Variants in TMC1 observed in about 807,000 individuals in gnomAD.
The protein encoded by TMC1 is transmembrane channel-like protein 1.
Under a neutral mutation model 105.8 loss-of-function variants are expected in TMC1, and 84 were observed. The ratio of observed to expected loss-of-function variants is 0.79; its 90% confidence interval spans 0.67 to 0.95. The LOEUF (loss-of-function observed/expected upper bound fraction) is 0.95. Among genes scored for constraint, TMC1 ranks in the 40% least tolerant of loss-of-function variants. The pLI is 0.00. For synonymous variants in TMC1, 315 were observed against 311.5 expected, an observed-to-expected ratio of 1.01 and a Z score of -0.12; for missense variants, 817 against 914.1, an observed-to-expected ratio of 0.89 and a Z score of 1.37.
chr9:72,674,791 C>T (rs1826175925), intron 5 of TMC1, among the ~76,000 whole-genome samples: 1 of 152,128 alleles, frequency 6.6e-6, no homozygotes, highest in South Asian at 2.1e-4. Context: ...AATTCAACAC[C>T]ACAGAATGAA....
chr9:72,560,699 C>T (rs995743478), intron 1 of TMC1, among the ~76,000 whole-genome samples: 2 of 151,738 alleles, frequency 1.3e-5, no homozygotes, highest in Non-Finnish European at 2.9e-5. Flanking sequence ...GGGGTTTTAC[C>T]GTGTTAGCCA....
intron 5 of TMC1, among the ~76,000 whole-genome samples, chr9:72,658,153 C>T (rs969241955): frequency 1.2e-4 from 19 of 152,008 alleles, no homozygotes; most frequent in Non-Finnish European, 5.9e-5. Flanking sequence ...GTAATAGACA[C>T]TCCTTGAGAA....
At chr9:72,816,033 T>A in intron 18 of TMC1, 110 bp from the exon 19 acceptor site, 1 of 895,264 alleles carries the variant, frequency 1.1e-6, no homozygotes, top group South Asian at 1.3e-5. Context: ...ATTCTGCTAT[T>A]GTTGCTGAAG....
At position 72,618,038 on chromosome 9, in the gene TMC1, T is replaced by C. The variant is rs182147208; in HGVS notation, c.-196+1561T>C. 7.5e-4 allele frequency among the ~76,000 whole-genome samples: 111 copies of C among 148,586 alleles called. 1 individual carries two copies. Among genetic ancestry groups the C allele is most frequent in the Admixed American group, 1.9e-3 (28 of 14,818 alleles). On this transcript the variant is annotated intron_variant, in intron 3 of 23. Coordinates refer to ENST00000297784, the MANE Select transcript of TMC1 (RefSeq NM_138691.3). ...TGGGTACATCTTTTTTTTTTTTTTT[T>C]TTTTTTTTGAGACAAAGTCTCATTT...
chr9:72,752,059 G>A (rs762575823), intron 11 of TMC1, 103 bp downstream of exon 11: 45 of 838,182 alleles, frequency 5.4e-5, no homozygotes, highest in South Asian at 2.5e-4. Flanking sequence ...CTATTTTCAC[G>A]TCTTAGAGTC....
intron 8 of TMC1, among the ~76,000 whole-genome samples, chr9:72,720,861 A>G (rs936152670): frequency 1.3e-5 from 2 of 152,178 alleles, no homozygotes; most frequent in African/African-American, 4.8e-5. Flanking sequence ...TCTTTGGCAG[A>G]TATTACAGGT....
intron 4 of TMC1, among the ~76,000 whole-genome samples, chr9:72,641,841 A>G (rs1396568205): frequency 1.7e-5 from 2 of 120,288 alleles, no homozygotes; most frequent in Non-Finnish European, 3.3e-5. Flanking sequence ...TTTTTGAGAG[A>G]CAGTCTCGCT....
intron 5 of TMC1, among the ~76,000 whole-genome samples, chr9:72,674,513 G>A (rs762172589): frequency 7.9e-5 from 12 of 152,248 alleles, no homozygotes; most frequent in South Asian, 2.1e-4. Flanking sequence ...AACTTTCCCC[G>A]TGCCCTCAGG....
chr9:72,742,312 G>A, intron 9 of TMC1, 132 bp from the exon 10 acceptor site: 1 of 746,068 alleles, frequency 1.3e-6, no homozygotes. Context: ...TTCCCCCTTT[G>A]ACTAGAAAGT....
intron 12 of TMC1, among the ~76,000 whole-genome samples, chr9:72,769,867 A>T (rs898668274): frequency 1.3e-5 from 2 of 152,210 alleles, no homozygotes; most frequent in African/African-American, 4.8e-5. Flanking sequence ...AGAGTTCAGG[A>T]TATAATCTTT....
chr9:72,552,133 C>T (rs901039803), intron 1 of TMC1, among the ~76,000 whole-genome samples: 1 of 152,154 alleles, frequency 6.6e-6, no homozygotes, highest in Non-Finnish European at 1.5e-5. Flanking sequence ...GATTTGATCA[C>T]ACTGGTGAGG....
At chr9:72,545,155 C>G (rs1026956180) in intron 1 of TMC1, among the ~76,000 whole-genome samples, 1 of 151,584 alleles carries the variant, frequency 6.6e-6, no homozygotes, top group African/African-American at 2.4e-5. Context: ...CACACACACA[C>G]ACACACATAT....
chr9:72,529,665 C>G (rs1165320825), intron 1 of TMC1, among the ~76,000 whole-genome samples: 2 of 149,258 alleles, frequency 1.3e-5, no homozygotes, highest in East Asian at 3.9e-4. Context: ...TCTTGTTTCT[C>G]TGTTTTTTTT....
chr9:72,831,593 C>G (rs924574605), intron 23 of TMC1, among the ~76,000 whole-genome samples: 24 of 152,052 alleles, frequency 1.6e-4, no homozygotes, highest in South Asian at 2.1e-4. Flanking sequence ...CCTGCTCCCC[C>G]CACCGCACGA....
rs1307772932 is a variant in TMC1, at chr9:72,654,104, A to T, written c.16+5440A>T. On this transcript the variant is annotated intron_variant, in intron 5 of 23. Transcript: ENST00000297784. Reference sequence around the variant, plus strand: ...AAAGCTGATGTGAACATTTGAATAGAAGTCTGTTGTGAATGTTTGGATTGG... The same window carrying T: ...AAAGCTGATGTGAACATTTGAATAGTAGTCTGTTGTGAATGTTTGGATTGG... Among the ~76,000 whole-genome samples, 8 of 152,292 alleles carry T rather than the reference A, an allele frequency of 5.3e-5. No homozygotes were observed. In the South Asian group the frequency reaches 1.2e-3, roughly 24 times the overall value.
At chr9:72,581,271 T>C (rs891915610) in intron 2 of TMC1, among the ~76,000 whole-genome samples, 1 of 152,156 alleles carries the variant, frequency 6.6e-6, no homozygotes, top group Non-Finnish European at 1.5e-5. Context: ...TTAGGGTTCT[T>C]TATTTATTTT....
At chr9:72,645,102 A>G (rs1588008643) in intron 4 of TMC1, among the ~76,000 whole-genome samples, 1 of 152,230 alleles carries the variant, frequency 6.6e-6, no homozygotes, top group South Asian at 2.1e-4. Flanking sequence ...CCACAGCAGC[A>G]GACCATCCAC....
rs1467945825 is a variant in TMC1 at position 72,568,698 on chromosome 9, A to AGT, written c.-427-9202_-427-9201dup. Among the ~76,000 whole-genome samples the AGT allele has an allele frequency of 2.0e-5, 3 of 152,224 alleles. No homozygotes were observed. In the South Asian group the frequency reaches 6.2e-4, roughly 31 times the overall value. On this transcript the variant is annotated intron_variant, in intron 1 of 23. Coordinates refer to ENST00000297784, the MANE Select transcript of TMC1 (RefSeq NM_138691.3). ...ATTATTATACAATGTCAATTAGCTC[A>AGT]GTGGAATCCAAGATGTTCGGCTAGC... is the stretch of plus-strand genomic sequence containing the variant.
intron 8 of TMC1, among the ~76,000 whole-genome samples, chr9:72,719,246 G>T (rs934424304): frequency 2.6e-5 from 4 of 152,294 alleles, no homozygotes; most frequent in Admixed American, 6.5e-5. Context: ...GAGTTCAGCT[G>T]GAGGTTTCCT....
Sources: gnomAD v4.1 joint callset for allele counts (sites outside exome capture counted in the v4.1 genomes callset) on GRCh38, gnomAD v4.1.1 for gene constraint, MANE v1.5 for transcripts, NCBI Gene and HGNC (gene_info 2026-07-23, HGNC 2026-07-21) for gene names.